The following ATP2A2 variants were observed in gnomAD, a reference collection of about 807,000 sequenced individuals.
ATP2A2 encodes ATPase sarcoplasmic/endoplasmic reticulum Ca2+ transporting 2, also known as sarcoplasmic/endoplasmic reticulum calcium ATPase 2.
Under a neutral mutation model 109.3 loss-of-function variants are expected in ATP2A2, and 14 were observed. The observed-to-expected ratio is 0.13, with a 90% CI of 0.08 to 0.20. ATP2A2 has a LOEUF of 0.20. Among genes scored for constraint, ATP2A2 ranks in the 10% least tolerant of loss-of-function variants. ATP2A2 has a pLI of 1.00. For synonymous variants in ATP2A2, 506 were observed against 490.9 expected (o/e 1.03, Z -0.41); for missense variants, 657 against 1,321.6 (o/e 0.50, Z 7.80).
intron 4 of ATP2A2, among the ~76,000 whole-genome samples, chr12:110,293,221 A>G (rs1873512865): frequency 6.6e-6 from 1 of 151,764 alleles, no homozygotes; most frequent in Non-Finnish European, 1.5e-5. Context: ...GATTACAGGC[A>G]CCTGACACCA....
chr12:110,349,242 T>C lies in ATP2A2; in HGVS notation c.*2772T>C. 1.0e-6 allele frequency: 1 copy of C among 985,502 alleles called. No homozygotes were observed. Among genetic ancestry groups the C allele is most frequent in the Non-Finnish European group, 1.2e-6 (1 of 829,978 alleles). 61.0% of individuals were successfully genotyped at this position (985,502 alleles called of 1,614,324 possible). On this transcript the variant is annotated 3_prime_UTR_variant, in exon 20 of 20. Transcript: ENST00000539276. ...ATAAAGACCAGGTCCAGCACCGTGG[T>C]CTTGGCACATCCCTGGCCTCAGGCC... is the stretch of plus-strand genomic sequence containing the variant.
chr12:110,347,824 T>TAGCCTAA lies in ATP2A2; in HGVS notation c.*1357_*1363dup. ...TTTTCTTCCTGGGATTTGGATGCTT[T>TAGCCTAA]AGCCTAAAGGTGACTGCCACCAAGT... On this transcript the variant is annotated 3_prime_UTR_variant, in exon 20 of 20. Coordinates refer to ENST00000539276, the MANE Select transcript of ATP2A2 (RefSeq NM_170665.4). 9.6e-6 allele frequency: 10 copies of TAGCCTAA among 1,046,336 alleles called. No homozygotes were observed. Among genetic ancestry groups the TAGCCTAA allele is most frequent in the Non-Finnish European group, 1.2e-5 (10 of 866,250 alleles). The allele number at this position is 1,046,336 out of a possible 1,614,324, so 64.8% of individuals were successfully genotyped here.
At chr12:110,337,807 G>C (rs1878980909) in intron 11 of ATP2A2, among the ~76,000 whole-genome samples, 1 of 152,224 alleles carries the variant, frequency 6.6e-6, no homozygotes, top group African/African-American at 2.4e-5. Context: ...ATAAAAGTGT[G>C]TCTTTAACGC....
At chr12:110,333,333 GGGGT>G in intron 10 of ATP2A2, 50 bp downstream of exon 10, 1 of 1,503,260 alleles carries the variant, frequency 6.7e-7, no homozygotes, top group Non-Finnish European at 9.2e-7. Context: ...GTTCAAGGGT[GGGGT>G]GGGTGGAATG....
intron 5 of ATP2A2, among the ~76,000 whole-genome samples, chr12:110,320,611 G>A (rs1877138121): frequency 6.6e-6 from 1 of 152,186 alleles, no homozygotes; most frequent in South Asian, 2.1e-4. Flanking sequence ...TAAATCATCT[G>A]TTAGATGTAC....
In ATP2A2 at chr12:110,346,854, C is replaced by CT; in HGVS notation, c.*385dup. 1 of 1,120,774 alleles carries CT rather than the reference C, an allele frequency of 8.9e-7. No individual in the cohort carries two copies. Among genetic ancestry groups the CT allele is most frequent in the Middle Eastern group, 3.8e-4 (1 of 2,610 alleles). The allele number at this position is 1,120,774 out of a possible 1,614,324, so 69.4% of individuals were successfully genotyped here. Reference sequence around the variant, plus strand: ...AATGTGTGTGGTTTTTTTTCTAAAACTAAATAGCATGTATTGTGTCTTTTG... The same window carrying CT: ...AATGTGTGTGGTTTTTTTTCTAAAACTTAAATAGCATGTATTGTGTCTTTTG... On this transcript the variant is annotated 3_prime_UTR_variant, in exon 20 of 20. Coordinates refer to ENST00000539276, the MANE Select transcript of ATP2A2 (RefSeq NM_170665.4).
intron 5 of ATP2A2, among the ~76,000 whole-genome samples, chr12:110,298,937 A>G (rs2137727109): frequency 6.6e-6 from 1 of 152,282 alleles, no homozygotes; most frequent in South Asian, 2.1e-4. Flanking sequence ...ATGCAATAGT[A>G]TGTAAGATCT....
chr12:110,314,126 C>T (rs1199658239), intron 5 of ATP2A2, among the ~76,000 whole-genome samples: 4 of 151,654 alleles, frequency 2.6e-5, no homozygotes, highest in Non-Finnish European at 5.9e-5. Flanking sequence ...GTCAGGAGTT[C>T]GAGACTAGCC....
chr12:110,298,343 AAAT>A (rs1422413705), intron 5 of ATP2A2, among the ~76,000 whole-genome samples: 3 of 152,256 alleles, frequency 2.0e-5, no homozygotes, highest in African/African-American at 7.2e-5. Flanking sequence ...TGGTGTGTGT[AAAT>A]GATTTAACAG....
intron 3 of ATP2A2, among the ~76,000 whole-genome samples, chr12:110,286,220 GC>G (rs1353610807): frequency 5.9e-5 from 9 of 152,138 alleles, no homozygotes; most frequent in African/African-American, 1.9e-4. Context: ...ACTGCGCCTG[GC>G]CTAAGTTAGT....
chr12:110,344,151 C>G (rs1243126652), intron 16 of ATP2A2, among the ~76,000 whole-genome samples: 5 of 152,144 alleles, frequency 3.3e-5, no homozygotes, highest in Admixed American at 2.6e-4. Context: ...TCAGATCCTT[C>G]CATATCCGGA....
Position 110,281,914 on chromosome 12 carries a change from G to T in ATP2A2, c.118+7G>T. On this transcript the variant is annotated splice_region_variant and intron_variant, in intron 1 of 19. Transcript: ENST00000539276. ...GAGAGATGGGGCTCCAACGGTAGGT[G>T]CAGGGCGCTCCGCTGCAGGGGCCCG... 6.4e-7 allele frequency: 1 copy of T among 1,568,640 alleles called. No individual in the cohort carries two copies.
intron 10 of ATP2A2, among the ~76,000 whole-genome samples, chr12:110,333,712 T>C (rs1213888412): frequency 6.6e-6 from 1 of 152,234 alleles, no homozygotes. Context: ...AGGCACTCTT[T>C]GAATTAATAG....
intron 5 of ATP2A2, among the ~76,000 whole-genome samples, chr12:110,307,712 G>A (rs1239239978): frequency 2.0e-5 from 3 of 152,302 alleles, no homozygotes; most frequent in African/African-American, 7.2e-5. Flanking sequence ...GTGTTTGTGT[G>A]TGGATTTAAG....
intron 17 of ATP2A2, 41 bp downstream of exon 17, chr12:110,345,012 G>A (rs780538899): frequency 1.6e-5 from 26 of 1,596,388 alleles, no homozygotes; most frequent in Middle Eastern, 3.3e-4. Context: ...CATGAGAAGT[G>A]TTGTGAGGCC....
chr12:110,319,186 G>A (rs895385673), intron 5 of ATP2A2, among the ~76,000 whole-genome samples: 1 of 145,990 alleles, frequency 6.8e-6, no homozygotes, highest in African/African-American at 2.5e-5. Context: ...TCCAGCCTGG[G>A]TGACAGAGTG....
In ATP2A2 at chr12:110,348,752, T is replaced by G. The variant is rs1592873352; in HGVS notation, c.*2282T>G. On this transcript the variant is annotated 3_prime_UTR_variant, in exon 20 of 20. Transcript: ENST00000539276. The stretch of plus-strand genomic sequence containing the variant: ...GCCTCCAAGGCTGCTCGCAGGCAGC[T>G]GTGGCTCTCGGGAAGGGAGGCTGCT... The G allele has an allele frequency of 2.0e-6, 2 of 985,442 alleles. No individual in the cohort carries two copies. The highest frequency in any genetic ancestry group is 2.3e-4 in the East Asian group (2 of 8,810). The allele number at this position is 985,442 out of a possible 1,614,324, so 61.0% of individuals were successfully genotyped here.
At chr12:110,343,479 T>G in intron 16 of ATP2A2, 45 bp downstream of exon 16, 1 of 1,603,640 alleles carries the variant, frequency 6.2e-7, no homozygotes, top group Non-Finnish European at 8.5e-7. Context: ...ACAAAATGTT[T>G]GTGAGCTGAA....
chr12:110,306,173 G>T (rs1337501549), intron 5 of ATP2A2, among the ~76,000 whole-genome samples: 7 of 152,044 alleles, frequency 4.6e-5, no homozygotes, highest in Non-Finnish European at 1.0e-4. Flanking sequence ...CCAGTAGCTG[G>T]GACCAGAGGC....
Sources: gnomAD v4.1 joint callset for allele counts (sites outside exome capture counted in the v4.1 genomes callset) on GRCh38, gnomAD v4.1.1 for gene constraint, MANE v1.5 for transcripts, NCBI Gene and HGNC (gene_info 2026-07-23, HGNC 2026-07-21) for gene names.